The following C19orf12 variants were observed in gnomAD, a reference collection of about 807,000 sequenced individuals.
C19orf12 encodes the protein chromosome 19 open reading frame 12, also known as protein C19orf12.
In C19orf12, 2 loss-of-function variants were observed where a neutral mutation model predicts 3.8. The observed-to-expected ratio is 0.53, with a 90% CI of 0.22 to 1.66. The LOEUF is 1.66. Among genes scored for constraint, C19orf12 ranks in the 40% most tolerant of loss-of-function variants. The probability of loss-of-function intolerance (pLI) is 0.20; values close to 1 mark genes in which losing one functional copy is unlikely to be tolerated. For missense variants in C19orf12, 156 were observed against 188.8 expected, an observed-to-expected ratio of 0.83 and a Z score of 1.02; for synonymous variants, 89 against 84.6, an observed-to-expected ratio of 1.05 and a Z score of -0.28.
chr19:29,711,616 C>T (rs1347639062), intron 1 of C19orf12, among the ~76,000 whole-genome samples: 1 of 152,220 alleles, frequency 6.6e-6, no homozygotes, highest in Non-Finnish European at 1.5e-5. Flanking sequence ...GGCTGGCTTC[C>T]AGGCCAGCAC....
rs1450349570 is a variant in C19orf12 at position 29,700,309 on chromosome 19, T to C, written c.*2403A>G. On this transcript the variant is annotated 3_prime_UTR_variant, in exon 3 of 3. Coordinates refer to ENST00000323670, the MANE Select transcript of C19orf12 (RefSeq NM_031448.6). Reference sequence around the variant, plus strand: ...CTGTAAGCAACCGGAGAAGTTGGCATTTGTTCAACATGGAAAAAGTGTCCC... The same window carrying C: ...CTGTAAGCAACCGGAGAAGTTGGCACTTGTTCAACATGGAAAAAGTGTCCC... 4.4e-6 allele frequency: 2 copies of C among 454,152 alleles called. No homozygotes were observed. Among genetic ancestry groups the C allele is most frequent in the East Asian group, 1.4e-4 (2 of 14,398 alleles). The allele number at this position is 454,152 out of a possible 1,614,324, so 28.1% of individuals were successfully genotyped here.
rs907805264 is a variant in C19orf12, at chr19:29,706,447, G to C, written c.160+1807C>G. On this transcript the variant is annotated intron_variant, in intron 2 of 2. Coordinates refer to ENST00000323670, the MANE Select transcript of C19orf12 (RefSeq NM_031448.6). ...GGACTGGAAGTAGTGAATCCCCCGG[G>C]CTCTCTTAGTGGACATCCTGTTCTC... Among the ~76,000 whole-genome samples the C allele has an allele frequency of 3.9e-5, 6 of 152,200 alleles. No homozygotes were observed. The South Asian group carries it at 6.2e-4, about 16-fold the overall frequency.
At chr19:29,714,990 G>T in intron 1 of C19orf12, 135 bp downstream of exon 1, 1 of 713,338 alleles carries the variant, frequency 1.4e-6, no homozygotes. Flanking sequence ...GCACCGGGAG[G>T]GCCGGGCTCC....
At position 29,703,378 on chromosome 19, in the gene C19orf12, CTTTTTTT is replaced by C. The variant is rs1165470646; in HGVS notation, c.161-408_161-402del. Among the ~76,000 whole-genome samples the C allele has an allele frequency of 9.0e-4, 115 of 128,408 alleles. 1 individual carries two copies. Among genetic ancestry groups the C allele is most frequent in the African/African-American group, 2.2e-3 (79 of 35,516 alleles). 84.2% of individuals were successfully genotyped at this position (128,408 alleles called of 152,430 possible). On this transcript the variant is annotated intron_variant, in intron 2 of 2. Coordinates refer to ENST00000323670, the MANE Select transcript of C19orf12 (RefSeq NM_031448.6). ...AACAAATGCATTTTCTTTTTCTTTT[CTTTTTTT>C]TTTTTTTTTTTTTGAGACGGAGTCT...
chr19:29,704,811 T>G (rs529524883), intron 2 of C19orf12, among the ~76,000 whole-genome samples: 1 of 152,316 alleles, frequency 6.6e-6, no homozygotes, highest in East Asian at 1.9e-4. Flanking sequence ...GTCTATAGTC[T>G]GGGCCAACCA....
chr19:29,706,835 G>A (rs945811162), intron 2 of C19orf12, among the ~76,000 whole-genome samples: 3 of 152,182 alleles, frequency 2.0e-5, no homozygotes, highest in Non-Finnish European at 2.9e-5. Context: ...GCAGGAACCC[G>A]GCCAGCGAGC....
intron 2 of C19orf12, chr19:29,705,402 CAAAAAAAAAAAA>C (rs34101444): frequency 1.4e-4 from 16 of 111,062 alleles, no homozygotes; most frequent in Admixed American, 4.9e-4. Flanking sequence ...ATCCTGAAAC[CAAAAAAAAAAAA>C]AAAAAAAAAA....
chr19:29,715,404 AC>A, upstream of C19orf12: 1 of 407,444 alleles, frequency 2.5e-6, no homozygotes, highest in Non-Finnish European at 4.9e-6. Context: ...GTCCTGGCCC[AC>A]CCCGCCGCTG....
chr19:29,700,962 G>T lies in C19orf12; in HGVS notation c.*1750C>A, dbSNP rs184307655. On this transcript the variant is annotated 3_prime_UTR_variant, in exon 3 of 3. Coordinates refer to ENST00000323670, the MANE Select transcript of C19orf12 (RefSeq NM_031448.6). ...GTAGAGATGGAGGTCTCACTATATT[G>T]CCCAGGCTAGTTTCAAACTCTTGGC... 4 of 454,004 alleles carry T rather than the reference G, an allele frequency of 8.8e-6. No homozygotes were observed. In the East Asian group the frequency reaches 2.1e-4, roughly 24 times the overall value. The allele number at this position is 454,004 out of a possible 1,614,324, so 28.1% of individuals were successfully genotyped here.
chr19:29,713,832 AC>A (rs1394951053), intron 1 of C19orf12, among the ~76,000 whole-genome samples: 2 of 151,886 alleles, frequency 1.3e-5, no homozygotes, highest in African/African-American at 4.8e-5. Context: ...CCACCCCCAT[AC>A]AGCAGGGCCC....
In C19orf12 at chr19:29,715,149, C is replaced by T; in HGVS notation, c.-35G>A. ...CCTGGGGGAGCGGAGGTCTACGCGGCGCGCTCGGCGATCAGACGCGGCTGC... is the reference window on the plus strand; with the variant it reads ...CCTGGGGGAGCGGAGGTCTACGCGGTGCGCTCGGCGATCAGACGCGGCTGC... On this transcript the variant is annotated 5_prime_UTR_variant, in exon 1 of 3. Transcript: ENST00000323670. The T allele has an allele frequency of 1.8e-6, 1 of 571,254 alleles. No homozygotes were observed. Among genetic ancestry groups the T allele is most frequent in the Non-Finnish European group, 3.1e-6 (1 of 322,210 alleles). The allele number at this position is 571,254 out of a possible 1,614,324, so 35.4% of individuals were successfully genotyped here.
intron 1 of C19orf12, among the ~76,000 whole-genome samples, chr19:29,712,453 C>G (rs1447132749): frequency 6.6e-6 from 1 of 151,906 alleles, no homozygotes; most frequent in Non-Finnish European, 1.5e-5. Flanking sequence ...TTGCATGGCA[C>G]TGATAAGAAG....
chr19:29,711,541 G>C (rs966539143), intron 1 of C19orf12, among the ~76,000 whole-genome samples: 3 of 152,184 alleles, frequency 2.0e-5, no homozygotes, highest in African/African-American at 7.2e-5. Context: ...CCCCTTTGGA[G>C]GCTGCAAGGA....
chr19:29,708,147 G>A lies in C19orf12; in HGVS notation c.160+107C>T, dbSNP rs1864141. 256,009 of 1,509,650 alleles carry A rather than the reference G, an allele frequency of 0.17. 24,743 individuals are homozygous for A. Among genetic ancestry groups the A allele is most frequent in the East Asian group, 0.37 (16,160 of 44,100 alleles). The allele number at this position is 1,509,650 out of a possible 1,614,324, so 93.5% of individuals were successfully genotyped here. A position where few individuals can be genotyped will look rare whatever the true frequency, so the allele number is the denominator to read the frequency against. The stretch of plus-strand genomic sequence containing the variant: ...GCCCGCCTCGGCCTCCCAAAGTGCT[G>A]GGATTACAGGCATGAGCCACACTGT... On this transcript the variant is annotated intron_variant, in intron 2 of 2. Coordinates refer to ENST00000323670, the MANE Select transcript of C19orf12 (RefSeq NM_031448.6).
intron 1 of C19orf12, among the ~76,000 whole-genome samples, chr19:29,712,489 C>T (rs140405955): frequency 1.6e-4 from 25 of 152,184 alleles, no homozygotes; most frequent in African/African-American, 6.0e-4. Context: ...GGCATGTCTA[C>T]CTTGGAGTGT....
At chr19:29,707,920 G>A (rs1972464868) in intron 2 of C19orf12, among the ~76,000 whole-genome samples, 1 of 149,824 alleles carries the variant, frequency 6.7e-6, no homozygotes, top group African/African-American at 2.5e-5. Flanking sequence ...CACCCAGGCT[G>A]GAGTACAATG....
Position 29,702,859 on chromosome 19 carries a change from T to G in C19orf12, c.279A>C (p.Ala93=). The change falls in exon 3 of 3, where the codon GCA becomes GCC. Residue 93 remains alanine, a synonymous_variant. Coordinates refer to ENST00000323670, the MANE Select transcript of C19orf12 (RefSeq NM_031448.6). ...TCCACTCCAGGTGCCTGATGATGGCTGCGGCTTCGTTAAAGAGCCTCTGTT... is the reference window on the plus strand; with the variant it reads ...TCCACTCCAGGTGCCTGATGATGGCGGCGGCTTCGTTAAAGAGCCTCTGTT... ...AEQQRLFNEA[A]AIIRHLEWTD... The G allele has an allele frequency of 3.7e-6, 6 of 1,614,178 alleles. No individual in the cohort carries two copies. The highest frequency in any genetic ancestry group is 5.1e-6 in the Non-Finnish European group (6 of 1,180,024).
rs778538769 is a variant in C19orf12, at chr19:29,702,666, TCA to T, written c.*44_*45del. 3.1e-6 allele frequency: 5 copies of T among 1,611,272 alleles called. No individual in the cohort carries two copies. Among genetic ancestry groups the T allele is most frequent in the South Asian group, 1.1e-5 (1 of 90,940 alleles). ...CAACTCCCAAGCCACCTCTTCAGAA[TCA>T]CAGAGTCATTTAAAGGGGCCCCCCA... On this transcript the variant is annotated 3_prime_UTR_variant, in exon 3 of 3. Coordinates refer to ENST00000323670, the MANE Select transcript of C19orf12 (RefSeq NM_031448.6).
At chr19:29,708,963 C>T (rs1972523240) in intron 1 of C19orf12, among the ~76,000 whole-genome samples, 1 of 152,228 alleles carries the variant, frequency 6.6e-6, no homozygotes, top group African/African-American at 2.4e-5. Context: ...TCCCTACAGG[C>T]TGGACTCTCA....
Sources: allele counts gnomAD v4.1 joint callset (sites outside exome capture counted in the v4.1 genomes callset), GRCh38; gene constraint gnomAD v4.1.1; transcripts MANE v1.5; gene names NCBI Gene and HGNC (gene_info 2026-07-23, HGNC 2026-07-21).